Variants in PCDHA7 observed in about 807,000 individuals in gnomAD.
PCDHA7 encodes protocadherin alpha-7.
PCDHA7 carries 37 observed loss-of-function variants against 57.2 expected under a neutral mutation model. The ratio of observed to expected loss-of-function variants is 0.65; its 90% CI spans 0.50 to 0.85. PCDHA7 has a LOEUF of 0.85. Ranked by LOEUF, PCDHA7 falls within the 40% of genes least tolerant of loss-of-function variation. PCDHA7 has a pLI of 0.00. For missense variants in PCDHA7, 1,188 were observed against 1,241.8 expected (o/e 0.96, Z 0.65); for synonymous variants, 553 against 558.8 (o/e 0.99, Z 0.15).
At chr5:140,890,276 TC>T (rs1173106367) in intron 1 of PCDHA7, among the ~76,000 whole-genome samples, 2 of 152,136 alleles carry the variant, frequency 1.3e-5, no homozygotes, top group Non-Finnish European at 2.9e-5. Context: ...CAAGAACCAC[TC>T]AGTTGAGTCA....
intron 1 of PCDHA7, chr5:140,871,603 T>C (rs919844711): frequency 6.2e-6 from 9 of 1,443,200 alleles, no homozygotes; most frequent in Admixed American, 5.5e-5. Flanking sequence ...AACCAGTGTT[T>C]TGAATATTGT....
At position 140,877,018 on chromosome 5, in the gene PCDHA7, A is replaced by C; in HGVS notation, c.2355+40280A>C. On this transcript the variant is annotated intron_variant, in intron 1 of 3. Transcript: ENST00000525929. ...CGTGTCGGTGCACGCGGAGAGCGGC[A>C]AGGTGTACGCGCTGCAGCCGCTAGA... 1 of 1,612,420 alleles carries C rather than the reference A, an allele frequency of 6.2e-7. No homozygotes were observed. Among genetic ancestry groups the C allele is most frequent in the Non-Finnish European group, 8.5e-7 (1 of 1,179,802 alleles).
intron 1 of PCDHA7, chr5:140,841,579 G>T: frequency 6.2e-7 from 1 of 1,614,044 alleles, no homozygotes; most frequent in South Asian, 1.1e-5. Context: ...TTTTGTTTGT[G>T]AATTCTCGGA....
chr5:140,928,716 C>G (rs555492959), intron 1 of PCDHA7: 3 of 1,614,178 alleles, frequency 1.9e-6, no homozygotes, highest in Non-Finnish European at 2.5e-6. Flanking sequence ...ACTCTAGTCT[C>G]TTTAGAATTT....
At chr5:140,877,276 G>A (rs1038142877) in intron 1 of PCDHA7, 5 of 1,613,744 alleles carry the variant, frequency 3.1e-6, no homozygotes, top group Admixed American at 1.7e-5. Context: ...CGCTGACTCC[G>A]GCTATAACGC....
At chr5:140,896,022 GC>G (rs2065315462) in intron 1 of PCDHA7, among the ~76,000 whole-genome samples, 3 of 152,138 alleles carry the variant, frequency 2.0e-5, no homozygotes, top group Admixed American at 1.3e-4. Context: ...TGTTGGCCAG[GC>G]TGGTCTCGAA....
chr5:140,996,636 T>G (rs561950169), intron 3 of PCDHA7, among the ~76,000 whole-genome samples: 17 of 152,346 alleles, frequency 1.1e-4, no homozygotes, highest in Middle Eastern at 6.8e-3. Context: ...CTGCAAATTA[T>G]GTAGTTAATC....
intron 1 of PCDHA7, among the ~76,000 whole-genome samples, chr5:140,931,051 G>A (rs1460771235): frequency 6.6e-6 from 1 of 152,134 alleles, no homozygotes; most frequent in African/African-American, 2.4e-5. Flanking sequence ...AAACTTCAAT[G>A]CTGTGTCTGG....
chr5:140,889,509 C>T (rs2062255316), intron 1 of PCDHA7, among the ~76,000 whole-genome samples: 2 of 152,026 alleles, frequency 1.3e-5, no homozygotes, highest in Admixed American at 6.6e-5. Flanking sequence ...ATTTCCCTTT[C>T]CATTCTTGAT....
intron 1 of PCDHA7, chr5:140,884,343 C>T (rs368888498): frequency 1.2e-6 from 2 of 1,613,900 alleles, no homozygotes; most frequent in Non-Finnish European, 1.7e-6. Context: ...CCAGAAGCGG[C>T]GCTGGTGGAT....
At chr5:140,980,837 A>T (rs1189348118) in intron 2 of PCDHA7, among the ~76,000 whole-genome samples, 1 of 152,160 alleles carries the variant, frequency 6.6e-6, no homozygotes, top group Non-Finnish European at 1.5e-5. Context: ...TGTGAACCTA[A>T]ATAATACTAA....
intron 1 of PCDHA7, chr5:140,875,899 T>C: frequency 1.2e-6 from 2 of 1,614,192 alleles, no homozygotes; most frequent in South Asian, 1.1e-5. Context: ...GGTACCTGTT[T>C]CTGAATCTGC....
intron 3 of PCDHA7, among the ~76,000 whole-genome samples, chr5:141,000,401 A>ATT (rs2097917579): frequency 1.3e-5 from 1 of 76,232 alleles, no homozygotes; most frequent in Non-Finnish European, 2.5e-5. Flanking sequence ...CTCTCTATAT[A>ATT]TATATATATA....
At chr5:140,867,350 T>C (rs1357404505) in intron 1 of PCDHA7, 1 of 152,128 alleles carries the variant, frequency 6.6e-6, no homozygotes, top group African/African-American at 2.4e-5. Flanking sequence ...GCTACTATGA[T>C]TGATTATTTT....
intron 3 of PCDHA7, among the ~76,000 whole-genome samples, chr5:140,999,125 G>C (rs1554256627): frequency 6.6e-6 from 1 of 152,152 alleles, no homozygotes; most frequent in South Asian, 2.1e-4. Context: ...TTCTAAGCTG[G>C]AAAATGTCAC....
intron 1 of PCDHA7, among the ~76,000 whole-genome samples, chr5:140,845,336 T>C (rs2150378543): frequency 6.7e-6 from 1 of 149,694 alleles, no homozygotes; most frequent in Non-Finnish European, 1.5e-5. Context: ...TACTGAATTC[T>C]CCTAAACATT....
At chr5:141,002,797 G>A (rs1025670333) in intron 3 of PCDHA7, among the ~76,000 whole-genome samples, 2 of 152,190 alleles carry the variant, frequency 1.3e-5, no homozygotes, top group African/African-American at 4.8e-5. Context: ...TATGGATGAG[G>A]AAACTGAGGC....
At chr5:140,865,558 T>C (rs991717581) in intron 1 of PCDHA7, 1 of 152,224 alleles carries the variant, frequency 6.6e-6, no homozygotes, top group Non-Finnish European at 1.5e-5. Flanking sequence ...AGAGCCAATA[T>C]TGATCAGTAA....
chr5:140,856,012 G>A lies in PCDHA7; in HGVS notation c.2355+19274G>A, dbSNP rs1158329125. 3 of 1,546,896 alleles carry A rather than the reference G, an allele frequency of 1.9e-6. No homozygotes were observed. The East Asian group carries it at 6.8e-5, about 35-fold the overall frequency. ...TCAGATCGTATGTGCGTTCTAGACC[G>A]CTGATTCGTCGATTTGTAAAACAAG... is the stretch of plus-strand genomic sequence containing the variant. On this transcript the variant is annotated intron_variant, in intron 1 of 3. Coordinates refer to ENST00000525929, the MANE Select transcript of PCDHA7 (RefSeq NM_018910.3).
Sources: allele counts gnomAD v4.1 joint callset (sites outside exome capture counted in the v4.1 genomes callset), GRCh38; gene constraint gnomAD v4.1.1; transcripts MANE v1.5; gene names NCBI Gene and HGNC (gene_info 2026-07-23, HGNC 2026-07-21).